ARMC2: variants seen among roughly 807,000 people sequenced by gnomAD.
The protein encoded by ARMC2 is armadillo repeat-containing protein 2.
ARMC2 carries 67 observed loss-of-function variants against 90.3 expected under a neutral mutation model. The ratio of observed to expected loss-of-function variants is 0.74; its 90% CI spans 0.61 to 0.91. The LOEUF is 0.91. ARMC2 is among the 40% of genes least tolerant of loss of function. The pLI, the probability that ARMC2 is intolerant of heterozygous loss-of-function variation, is 0.00. For missense variants in ARMC2, 920 were observed against 1,030.9 expected, an observed-to-expected ratio of 0.89 and a Z score of 1.47; for synonymous variants, 393 against 393.0, an observed-to-expected ratio of 1.00 and a Z score of 0.00.
chr6:108,921,143 C>A (rs1774522941), intron 10 of ARMC2, among the ~76,000 whole-genome samples: 1 of 152,220 alleles, frequency 6.6e-6, no homozygotes, highest in Non-Finnish European at 1.5e-5. Context: ...CTTTTTCAGA[C>A]TCCTTTTTCT....
At chr6:109,000,178 G>A in the ARMC2 span, 1 of 179,640 alleles carries the variant, frequency 5.6e-6, no homozygotes, top group Non-Finnish European at 1.2e-5. Context: ...GGAACCCAGG[G>A]CATTTTTAGG....
At chr6:108,908,182 A>G (rs1268749349) in intron 8 of ARMC2, among the ~76,000 whole-genome samples, 4 of 152,104 alleles carry the variant, frequency 2.6e-5, no homozygotes, top group Non-Finnish European at 5.9e-5. Flanking sequence ...TGCCCAGGTG[A>G]TGCTGAGATG....
chr6:108,939,107 C>T (rs1324585546), intron 12 of ARMC2, among the ~76,000 whole-genome samples: 1 of 152,222 alleles, frequency 6.6e-6, no homozygotes, highest in East Asian at 1.9e-4. Flanking sequence ...ATGTGAGCCA[C>T]TGCGCCCAGC....
chr6:108,929,328 T>A (rs947410485), intron 11 of ARMC2, among the ~76,000 whole-genome samples: 1 of 152,232 alleles, frequency 6.6e-6, no homozygotes, highest in Non-Finnish European at 1.5e-5. Flanking sequence ...GACTATGCCA[T>A]CCTTTCTCAC....
intron 8 of ARMC2, 89 bp from the exon 9 acceptor site, chr6:108,910,810 T>G (rs1773345948): frequency 1.6e-6 from 1 of 642,324 alleles, no homozygotes; most frequent in Non-Finnish European, 2.5e-6. Flanking sequence ...ATACTGTTGC[T>G]GTACTTTAAA....
chr6:108,934,691 A>G (rs766931503), intron 11 of ARMC2, among the ~76,000 whole-genome samples: 1 of 152,070 alleles, frequency 6.6e-6, no homozygotes, highest in Non-Finnish European at 1.5e-5. Context: ...CCATATGGTT[A>G]TATGTTTCTC....
At chr6:108,974,702 T>G (rs1356362620), downstream of ARMC2, among the ~76,000 whole-genome samples, 18 of 151,968 alleles carry the variant, frequency 1.2e-4, 1 homozygote, top group Admixed American at 1.2e-3. Context: ...TATAAACAGC[T>G]CATTTCTCAC....
chr6:108,950,555 T>C (rs1039919580), intron 12 of ARMC2, among the ~76,000 whole-genome samples: 2 of 152,102 alleles, frequency 1.3e-5, no homozygotes, highest in South Asian at 4.1e-4. Context: ...TTCTCACTTA[T>C]AAGTGGGAGC....
Position 108,962,121 on chromosome 6 carries a change from A to C in ARMC2, c.2146A>C (p.Asn716His), listed in dbSNP as rs1778045231. The change falls in exon 15 of 18, where the codon AAC (asparagine) becomes CAC (histidine). Residue 716 changes from asparagine to histidine, a missense_variant. By Grantham distance (68) the Asn-to-His change is moderately conservative. Coordinates refer to ENST00000392644, the MANE Select transcript of ARMC2 (RefSeq NM_032131.6). ...DHDVCDFIVQNNVHRFMMALL... is the reference protein window; with the variant it reads ...DHDVCDFIVQHNVHRFMMALL... ...TGATGTCTGCGATTTCATTGTGCAG[A>C]ACAATGGTGAGTTAATAACACTAGA... is the stretch of plus-strand genomic sequence containing the variant. 1 of 1,601,068 alleles carries C rather than the reference A, an allele frequency of 6.2e-7. No individual in the cohort carries two copies. The highest frequency in any genetic ancestry group is 8.5e-7 in the Non-Finnish European group (1 of 1,170,466).
chr6:108,886,691 T>C (rs1778142001), intron 5 of ARMC2, among the ~76,000 whole-genome samples: 1 of 152,220 alleles, frequency 6.6e-6, no homozygotes, highest in Non-Finnish European at 1.5e-5. Context: ...TTATACACTT[T>C]TTTAAATCAT....
chr6:109,030,446 T>C, the ARMC2 span, among the ~76,000 whole-genome samples: 1 of 152,198 alleles, frequency 6.6e-6, no homozygotes, highest in Non-Finnish European at 1.5e-5. Context: ...CAGTAGAAGA[T>C]TTATCCAATG....
chr6:108,977,949 G>C (rs1242786117), downstream of ARMC2, among the ~76,000 whole-genome samples: 1 of 152,102 alleles, frequency 6.6e-6, no homozygotes, highest in Non-Finnish European at 1.5e-5. Context: ...CAAAAAACCA[G>C]CTCCTGGATT....
intron 12 of ARMC2, among the ~76,000 whole-genome samples, chr6:108,951,923 A>C (rs1399083074): frequency 1.3e-5 from 2 of 152,252 alleles, no homozygotes; most frequent in African/African-American, 4.8e-5. Context: ...GAAAAAGTAC[A>C]CGACACCCTG....
At chr6:108,983,769 T>G in the ARMC2 span, among the ~76,000 whole-genome samples, 1 of 152,236 alleles carries the variant, frequency 6.6e-6, no homozygotes, top group South Asian at 2.1e-4. Flanking sequence ...ATTCTCTACT[T>G]CCGTGAAAAA....
chr6:109,033,005 T>TAATC, the ARMC2 span, among the ~76,000 whole-genome samples: 1 of 152,158 alleles, frequency 6.6e-6, no homozygotes, highest in Non-Finnish European at 1.5e-5. Context: ...AGGAACCTTA[T>TAATC]AATCCAATTT....
chr6:108,996,728 G>A, the ARMC2 span, among the ~76,000 whole-genome samples: 2 of 151,948 alleles, frequency 1.3e-5, no homozygotes, highest in South Asian at 4.1e-4. Flanking sequence ...ACCCAGTCTT[G>A]GGTATGTCTT....
At chr6:109,037,109 A>C in the ARMC2 span, among the ~76,000 whole-genome samples, 1 of 152,208 alleles carries the variant, frequency 6.6e-6, no homozygotes, top group African/African-American at 2.4e-5. Flanking sequence ...TAAGTAGTAA[A>C]GACAATCTTT....
chr6:108,935,291 T>C (rs2128491607), intron 11 of ARMC2, among the ~76,000 whole-genome samples: 1 of 152,306 alleles, frequency 6.6e-6, no homozygotes, highest in South Asian at 2.1e-4. Context: ...TCTGCTCTTA[T>C]CCTTATTAAT....
chr6:108,908,946 T>G (rs1199951649), intron 8 of ARMC2, among the ~76,000 whole-genome samples: 1 of 152,174 alleles, frequency 6.6e-6, no homozygotes, highest in Non-Finnish European at 1.5e-5. Flanking sequence ...GGCATGTGCC[T>G]GTAATCCCAG....
Sources: allele counts gnomAD v4.1 joint callset (sites outside exome capture counted in the v4.1 genomes callset), GRCh38; gene constraint gnomAD v4.1.1; transcripts MANE v1.5; gene names NCBI Gene and HGNC (gene_info 2026-07-23, HGNC 2026-07-21).